Variants in ATXN1 observed in about 807,000 individuals in gnomAD.
ATXN1 encodes ataxin 1, also known as ataxin-1.
A neutral mutation model predicts 56.4 loss-of-function variants in ATXN1; 8 were observed. The ratio of observed to expected loss-of-function variants is 0.14; its 90% CI spans 0.08 to 0.26. The LOEUF is 0.26. Among genes scored for constraint, ATXN1 ranks in the 10% least tolerant of loss-of-function variants. The pLI is 1.00. For synonymous variants in ATXN1, 514 were observed against 494.6 expected (o/e 1.04, Z -0.52); for missense variants, 987 against 1,106.5 (o/e 0.89, Z 1.53).
intron 6 of ATXN1, among the ~76,000 whole-genome samples, chr6:16,480,454 C>A (rs777610503): frequency 4.6e-5 from 7 of 152,034 alleles, no homozygotes; most frequent in Non-Finnish European, 1.0e-4. Flanking sequence ...GAAATTCCAG[C>A]GCTGACAACT....
rs201030692 is a variant in ATXN1, at chr6:16,327,690, C to A, written c.621G>T (p.Gln207His). Residue 207 changes from glutamine (Q) to histidine (H), a missense_variant, in exon 7 of 8, where the codon CAG (glutamine) becomes CAT (histidine). Coordinates refer to ENST00000436367, the MANE Select transcript of ATXN1 (RefSeq NM_001128164.2). ...QQQQQQQQQQ[Q>H]QHQHQQQQQQ... ...GCTGCTGCTGCTGATGCTGATGCTG[C>A]TGCTGCTGCTGCTGCTGCTGCTGCT... 3.6e-4 allele frequency: 511 copies of A among 1,409,294 alleles called. 1 individual carries two copies. The highest frequency in any genetic ancestry group is 1.2e-3 in the Middle Eastern group (6 of 5,188). The allele number at this position is 1,409,294 out of a possible 1,614,324, so 87.3% of individuals were successfully genotyped here.
intron 2 of ATXN1, among the ~76,000 whole-genome samples, chr6:16,675,718 T>TA (rs975000988): frequency 6.6e-5 from 10 of 151,208 alleles, no homozygotes; most frequent in East Asian, 3.9e-4. Context: ...CCATCTCTAC[T>TA]AAAAAAAATA....
chr6:16,418,408 G>C (rs1758959822), intron 6 of ATXN1, among the ~76,000 whole-genome samples: 1 of 152,080 alleles, frequency 6.6e-6, no homozygotes, highest in African/African-American at 2.4e-5. Flanking sequence ...GTGGCTTTCA[G>C]GAATGCTTAG....
rs561283598 is a variant in ATXN1, at chr6:16,426,539, T to C, written c.-161+59433A>G. Among the ~76,000 whole-genome samples, 6 of 152,040 alleles carry C rather than the reference T, an allele frequency of 3.9e-5. No homozygotes were observed. In the South Asian group the frequency reaches 1.2e-3, roughly 32 times the overall value. On this transcript the variant is annotated intron_variant, in intron 6 of 7. Transcript: ENST00000436367. ...GCCAAGGAGTAAAAGCGCCAAGCCA[T>C]GTATGTAAGCAGAGCCACCTGGCCT... is the stretch of plus-strand genomic sequence containing the variant.
intron 5 of ATXN1, among the ~76,000 whole-genome samples, chr6:16,520,669 G>C (rs556536690): frequency 4.6e-4 from 70 of 152,266 alleles, no homozygotes; most frequent in African/African-American, 1.6e-3. Context: ...GAGAGCAACA[G>C]GTGTCAGTGA....
chr6:16,639,617 G>C (rs529653450), intron 3 of ATXN1, among the ~76,000 whole-genome samples: 1 of 144,674 alleles, frequency 6.9e-6, no homozygotes, highest in South Asian at 2.4e-4. Context: ...CCCGGCCCCT[G>C]GGTTTCTTTC....
chr6:16,521,355 G>A (rs773941277), intron 5 of ATXN1, among the ~76,000 whole-genome samples: 1 of 152,156 alleles, frequency 6.6e-6, no homozygotes, highest in Non-Finnish European at 1.5e-5. Flanking sequence ...GTCAGGAGAT[G>A]GAGACCATCC....
rs1204396011 is a variant in ATXN1, at chr6:16,326,819, C to T, written c.1492G>A (p.Asp498Asn). The change falls in exon 7 of 8, where the codon GAC (aspartate) becomes AAC (asparagine). Residue 498 changes from aspartate (D) to asparagine (N), a missense_variant. Physicochemically the swap from Asp to Asn is conservative, Grantham distance 23. Transcript: ENST00000436367. This position sits in a 1 kb window ranked among gnomAD's most constrained non-coding sequence, Gnocchi z 6.6. ...QPLLIPVGSTDMEASGAAPAI... is the reference protein window; with the variant it reads ...QPLLIPVGSTNMEASGAAPAI... ...GGGGCTGCCCCCGACGCTTCCATGTCAGTGCTGCCGACCGGGATGAGCAGG... is the reference window on the plus strand; with the variant it reads ...GGGGCTGCCCCCGACGCTTCCATGTTAGTGCTGCCGACCGGGATGAGCAGG... The T allele has an allele frequency of 6.2e-7, 1 of 1,607,738 alleles. No homozygotes were observed. The highest frequency in any genetic ancestry group is 8.5e-7 in the Non-Finnish European group (1 of 1,175,598).
chr6:16,636,805 GC>G (rs1370484943), intron 3 of ATXN1, among the ~76,000 whole-genome samples: 2 of 152,106 alleles, frequency 1.3e-5, no homozygotes, highest in African/African-American at 4.8e-5. Flanking sequence ...AACTAAATTA[GC>G]TTTTACACCT....
intron 2 of ATXN1, among the ~76,000 whole-genome samples, chr6:16,697,182 T>C (rs574464133): frequency 9.2e-5 from 14 of 152,238 alleles, no homozygotes; most frequent in Non-Finnish European, 2.1e-4. Context: ...AATTTTGCTT[T>C]AGATTATGAA....
intron 6 of ATXN1, among the ~76,000 whole-genome samples, chr6:16,460,830 C>T (rs1034509543): frequency 4.6e-5 from 7 of 152,162 alleles, no homozygotes; most frequent in African/African-American, 7.2e-5. Flanking sequence ...CTTCCCCCCA[C>T]GGACCAGCGC....
At chr6:16,537,445 A>G (rs941601726) in intron 4 of ATXN1, among the ~76,000 whole-genome samples, 1 of 151,520 alleles carries the variant, frequency 6.6e-6, no homozygotes, top group Admixed American at 6.6e-5. Context: ...TGGCTCACGC[A>G]TGTAATCCCA....
intron 7 of ATXN1, among the ~76,000 whole-genome samples, chr6:16,321,539 G>A (rs562273422): frequency 1.8e-4 from 27 of 152,346 alleles, no homozygotes; most frequent in Admixed American, 1.3e-3. Context: ...ATGCATAGAC[G>A]CTTTGCTCGA....
chr6:16,399,414 T>C (rs1242095114), intron 6 of ATXN1, among the ~76,000 whole-genome samples: 1 of 152,226 alleles, frequency 6.6e-6, no homozygotes, highest in Non-Finnish European at 1.5e-5. Context: ...AGGCGCTCAC[T>C]GGTCTATGCC....
At chr6:16,359,455 AG>A (rs1336382346) in intron 6 of ATXN1, among the ~76,000 whole-genome samples, 1 of 152,056 alleles carries the variant, frequency 6.6e-6, no homozygotes, top group Non-Finnish European at 1.5e-5. Context: ...TGCAGAGAGG[AG>A]TACCCTCTCT....
At chr6:16,398,089 C>A (rs184558796) in intron 6 of ATXN1, among the ~76,000 whole-genome samples, 1 of 152,104 alleles carries the variant, frequency 6.6e-6, no homozygotes, top group East Asian at 1.9e-4. Context: ...GAAAATGGGA[C>A]TTTTTTTTCA....
At chr6:16,325,365 G>A (rs189900778) in intron 7 of ATXN1, among the ~76,000 whole-genome samples, 1 of 151,882 alleles carries the variant, frequency 6.6e-6, no homozygotes, top group Non-Finnish European at 1.5e-5. Flanking sequence ...TGATCCACCC[G>A]CCTCAGCCTC....
At chr6:16,757,412 C>G (rs1760919087) in intron 1 of ATXN1, among the ~76,000 whole-genome samples, 1 of 152,150 alleles carries the variant, frequency 6.6e-6, no homozygotes, top group South Asian at 2.1e-4. Context: ...GAATCCAGGA[C>G]CTCCAAGGCA....
At chr6:16,357,459 G>A (rs993931974) in intron 6 of ATXN1, among the ~76,000 whole-genome samples, 12 of 151,846 alleles carry the variant, frequency 7.9e-5, no homozygotes, top group East Asian at 5.8e-4. Context: ...TGGTAGAGGC[G>A]AGATTTCACC....
Sources: gnomAD v4.1 joint callset for allele counts (sites outside exome capture counted in the v4.1 genomes callset) on GRCh38, gnomAD v4.1.1 for gene constraint, Gnocchi (gnomAD v3.1) non-coding constraint, MANE v1.5 for transcripts, NCBI Gene and HGNC (gene_info 2026-07-23, HGNC 2026-07-21) for gene names.